TECPR2: variants seen among roughly 807,000 people sequenced by gnomAD.
The protein encoded by TECPR2 is tectonin beta-propeller repeat-containing protein 2.
TECPR2 carries 65 observed loss-of-function variants against 138.1 expected under a neutral mutation model. That is an observed-to-expected ratio of 0.47 (90% confidence interval 0.39 to 0.58). The LOEUF (loss-of-function observed/expected upper bound fraction) is 0.58, where lower values mean the gene tolerates loss of function less well. Among genes scored for constraint, TECPR2 ranks in the 20% least tolerant of loss-of-function variants. The pLI is 0.00. For synonymous variants in TECPR2, 746 were observed against 749.8 expected, an observed-to-expected ratio of 0.99 and a Z score of 0.08; for missense variants, 1,553 against 1,824.5, an observed-to-expected ratio of 0.85 and a Z score of 2.71.
chr14:102,425,346 T>C, intron 6 of TECPR2, 55 bp downstream of exon 6: 1 of 1,515,304 alleles, frequency 6.6e-7, no homozygotes, highest in Non-Finnish European at 8.9e-7. Context: ...AGAATGTATC[T>C]CTATAAACTG....
At chr14:102,421,612 T>C (rs1337402800) in intron 5 of TECPR2, among the ~76,000 whole-genome samples, 1 of 151,988 alleles carries the variant, frequency 6.6e-6, no homozygotes, top group East Asian at 1.9e-4. Context: ...TTGGCCGAGG[T>C]CTGGTGGGGA....
chr14:102,482,712 G>A (rs1469188118), intron 17 of TECPR2, among the ~76,000 whole-genome samples: 1 of 152,060 alleles, frequency 6.6e-6, no homozygotes, highest in Non-Finnish European at 1.5e-5. Context: ...TCTTTCATCT[G>A]TGTTCACCCT....
At position 102,431,980 on chromosome 14, in the gene TECPR2, G is replaced by T; in HGVS notation, c.1269G>T (p.Leu423=). Reference sequence around the variant, plus strand: ...CCACCGACAGCGGCTCCGGGCTCCTGCCCCCTGGGCTCCAGGCCACCCCTG... The same window carrying T: ...CCACCGACAGCGGCTCCGGGCTCCTTCCCCCTGGGCTCCAGGCCACCCCTG... ...LNSTDSGSGL[L]PPGLQATPEL... Residue 423 remains leucine (L), a synonymous_variant, in exon 8 of 20, where the codon CTG becomes CTT. Transcript: ENST00000359520. 1 of 1,612,844 alleles carries T rather than the reference G, an allele frequency of 6.2e-7. No homozygotes were observed. The highest frequency in any genetic ancestry group is 8.5e-7 in the Non-Finnish European group (1 of 1,179,868).
At chr14:102,444,337 T>C (rs1483118472) in intron 12 of TECPR2, among the ~76,000 whole-genome samples, 1 of 151,874 alleles carries the variant, frequency 6.6e-6, no homozygotes, top group Non-Finnish European at 1.5e-5. Flanking sequence ...GGACTACAGA[T>C]GCATGCCACC....
At chr14:102,475,239 G>A (rs973152155) in intron 17 of TECPR2, among the ~76,000 whole-genome samples, 16 of 152,198 alleles carry the variant, frequency 1.1e-4, no homozygotes, top group South Asian at 2.1e-4. Context: ...GCAGGACAGA[G>A]GGTGTTCTAA....
intron 1 of TECPR2, among the ~76,000 whole-genome samples, chr14:102,371,652 C>T (rs1247222373): frequency 2.0e-5 from 3 of 152,192 alleles, no homozygotes; most frequent in Non-Finnish European, 4.4e-5. Context: ...TTCTTCAAGG[C>T]AGTTTGGCAA....
At chr14:102,476,479 T>C (rs1890766693) in intron 17 of TECPR2, among the ~76,000 whole-genome samples, 1 of 151,702 alleles carries the variant, frequency 6.6e-6, no homozygotes, top group Non-Finnish European at 1.5e-5. Flanking sequence ...AATGGCAGCA[T>C]AGAAATTGCA....
chr14:102,486,438 T>A (rs889484604), intron 17 of TECPR2, among the ~76,000 whole-genome samples: 2 of 152,210 alleles, frequency 1.3e-5, no homozygotes, highest in Non-Finnish European at 1.5e-5. Context: ...TACCTGGGAC[T>A]ACAGGTGTGT....
At chr14:102,422,562 AAG>A (rs1485958779) in intron 5 of TECPR2, among the ~76,000 whole-genome samples, 1 of 152,238 alleles carries the variant, frequency 6.6e-6, no homozygotes, top group African/African-American at 2.4e-5. Flanking sequence ...GAAAAAGCAA[AAG>A]AGTACAATTA....
At chr14:102,385,918 A>C (rs1440183378) in intron 2 of TECPR2, among the ~76,000 whole-genome samples, 3 of 151,952 alleles carry the variant, frequency 2.0e-5, no homozygotes, top group Non-Finnish European at 4.4e-5. Context: ...CCTGGGCATC[A>C]AAGTGAGACC....
At chr14:102,444,957 G>C (rs1288456482) in intron 12 of TECPR2, among the ~76,000 whole-genome samples, 1 of 152,036 alleles carries the variant, frequency 6.6e-6, no homozygotes, top group African/African-American at 2.4e-5. Flanking sequence ...AAAACAGACA[G>C]ACAAAAAAAA....
At chr14:102,478,206 C>T (rs1890810078) in intron 17 of TECPR2, among the ~76,000 whole-genome samples, 2 of 151,842 alleles carry the variant, frequency 1.3e-5, no homozygotes, top group African/African-American at 2.4e-5. Context: ...CACCACCGCA[C>T]CTAGCTAATT....
chr14:102,433,611 C>T (rs1469645485), intron 8 of TECPR2, among the ~76,000 whole-genome samples: 1 of 151,972 alleles, frequency 6.6e-6, no homozygotes. Flanking sequence ...ACTTCCGCCT[C>T]CCAAGTTCAA....
chr14:102,465,064 C>G, intron 16 of TECPR2, 77 bp from the exon 17 acceptor site: 2 of 1,541,632 alleles, frequency 1.3e-6, no homozygotes, highest in South Asian at 2.3e-5. Flanking sequence ...AGTAGAAAAT[C>G]AAAGTTCATA....
Position 102,449,809 on chromosome 14 carries a change from A to G in TECPR2, c.3256A>G (p.Ser1086Gly), listed in dbSNP as rs781401992. The G allele has an allele frequency of 6.2e-7, 1 of 1,614,168 alleles. No individual in the cohort carries two copies. The highest frequency in any genetic ancestry group is 8.5e-7 in the Non-Finnish European group (1 of 1,180,034). The change falls in exon 14 of 20, where the codon AGC (serine) becomes GGC (glycine). Residue 1086 changes from serine to glycine, a missense_variant. Coordinates refer to ENST00000359520, the MANE Select transcript of TECPR2 (RefSeq NM_014844.5). ...GCCAAGCCTTCTCGGGGTCAATAAC[A>G]GCGGTGTCTGGATCTCCTCGGGCAA... Reference protein sequence around the residue: ...CQPSLLGVNNSGVWISSGKNE... With the variant: ...CQPSLLGVNNGGVWISSGKNE...
In TECPR2 at chr14:102,376,679, C is replaced by T; in HGVS notation, c.-43C>T. On this transcript the variant is annotated 5_prime_UTR_variant, in exon 2 of 20. Transcript: ENST00000359520. ...CAGGTTTCCCTAGATGACAAATAAA[C>T]ATTCCTTTTCCTGCGTGAAGATAGT... 6.3e-7 allele frequency: 1 copy of T among 1,579,270 alleles called. No individual in the cohort carries two copies. The highest frequency in any genetic ancestry group is 8.7e-7 in the Non-Finnish European group (1 of 1,149,386).
At chr14:102,489,040 G>A (rs1891101141) in intron 17 of TECPR2, among the ~76,000 whole-genome samples, 1 of 151,712 alleles carries the variant, frequency 6.6e-6, no homozygotes, top group Non-Finnish European at 1.5e-5. Flanking sequence ...GCGCCACCAT[G>A]CCTGGCTAAT....
intron 5 of TECPR2, among the ~76,000 whole-genome samples, chr14:102,424,621 A>T (rs1358148775): frequency 1.3e-5 from 2 of 152,248 alleles, no homozygotes; most frequent in African/African-American, 4.8e-5. Flanking sequence ...GGCATGATGC[A>T]TCCAGCCTGA....
At chr14:102,384,780 G>A (rs1368196921) in intron 2 of TECPR2, among the ~76,000 whole-genome samples, 1 of 147,444 alleles carries the variant, frequency 6.8e-6, no homozygotes, top group Non-Finnish European at 1.5e-5. Flanking sequence ...TATCTCACAT[G>A]GTCACATGGC....
Sources: allele counts gnomAD v4.1 joint callset (sites outside exome capture counted in the v4.1 genomes callset), GRCh38; gene constraint gnomAD v4.1.1; transcripts MANE v1.5; gene names NCBI Gene and HGNC (gene_info 2026-07-23, HGNC 2026-07-21).